The following TBC1D31 variants were observed in gnomAD, a reference collection of about 807,000 sequenced individuals.
TBC1D31 encodes WD repeat domain 67.
A neutral mutation model predicts 132.9 loss-of-function variants in TBC1D31; 99 were observed. The ratio of observed to expected loss-of-function variants is 0.74; its 90% CI spans 0.63 to 0.88. The LOEUF (loss-of-function observed/expected upper bound fraction) is 0.88. TBC1D31 is among the 40% of genes least tolerant of loss of function. TBC1D31 has a pLI of 0.00. For missense variants in TBC1D31, 1,134 were observed against 1,256.6 expected (o/e 0.90, Z 1.48); for synonymous variants, 385 against 419.4 (o/e 0.92, Z 1.00).
At chr8:123,136,079 C>T (rs892071997) in intron 17 of TBC1D31, among the ~76,000 whole-genome samples, 8 of 152,266 alleles carry the variant, frequency 5.3e-5, no homozygotes, top group African/African-American at 1.9e-4. Flanking sequence ...CCTCTAAATA[C>T]TTCAGTGTAT....
At chr8:123,156,197 T>G (rs1403622422), downstream of TBC1D31, among the ~76,000 whole-genome samples, 1 of 152,068 alleles carries the variant, frequency 6.6e-6, no homozygotes, top group Non-Finnish European at 1.5e-5. Flanking sequence ...TCCCAGCACT[T>G]TGGGAGGCCG....
chr8:123,097,582 G>A, intron 6 of TBC1D31, 141 bp downstream of exon 6: 2 of 1,020,502 alleles, frequency 2.0e-6, no homozygotes, highest in South Asian at 4.8e-5. Flanking sequence ...TTTGTGAAGA[G>A]TCTAGGATTG....
At chr8:123,162,210 T>G in the TBC1D31 span, among the ~76,000 whole-genome samples, 1 of 152,062 alleles carries the variant, frequency 6.6e-6, no homozygotes, top group Non-Finnish European at 1.5e-5. Context: ...GTACATATTT[T>G]ATGTTTGAAT....
At chr8:123,107,418 C>T (rs76356973) in intron 8 of TBC1D31, among the ~76,000 whole-genome samples, 2,189 of 152,228 alleles carry the variant, frequency 0.014, 56 homozygotes, top group African/African-American at 0.05. Context: ...TTAATTATGC[C>T]GTTGATTTTC....
chr8:123,084,599 T>C (rs1049059399), intron 4 of TBC1D31, among the ~76,000 whole-genome samples: 1 of 152,218 alleles, frequency 6.6e-6, no homozygotes, highest in African/African-American at 2.4e-5. Context: ...GCTTTTGTTT[T>C]CATTTTTAAC....
chr8:123,083,238 C>T (rs537740270), intron 3 of TBC1D31: 3 of 155,312 alleles, frequency 1.9e-5, no homozygotes, highest in East Asian at 1.9e-4. Context: ...TGGCCATCTG[C>T]GCCAAGCACT....
At chr8:123,081,534 T>C (rs1176727817) in intron 2 of TBC1D31, among the ~76,000 whole-genome samples, 2 of 152,252 alleles carry the variant, frequency 1.3e-5, no homozygotes, top group Non-Finnish European at 2.9e-5. Flanking sequence ...ATCTCAATAA[T>C]TTTTAATTGA....
chr8:123,130,730 T>A (rs1267243485), intron 16 of TBC1D31, among the ~76,000 whole-genome samples: 2 of 151,360 alleles, frequency 1.3e-5, no homozygotes, highest in Non-Finnish European at 2.9e-5. Context: ...CAAGTGATTC[T>A]CCTGCCTCAG....
intron 2 of TBC1D31, among the ~76,000 whole-genome samples, chr8:123,079,774 A>G (rs943277231): frequency 3.3e-5 from 5 of 152,152 alleles, no homozygotes; most frequent in African/African-American, 1.2e-4. Flanking sequence ...GAAAATAGAT[A>G]CCTTCAAGCT....
chr8:123,074,415 C>G (rs557239651), intron 1 of TBC1D31, among the ~76,000 whole-genome samples: 93 of 152,182 alleles, frequency 6.1e-4, no homozygotes, highest in Non-Finnish European at 1.2e-3. Flanking sequence ...TGTCAGGCCT[C>G]TTTATCAATG....
chr8:123,137,093 A>G (rs913354381), intron 17 of TBC1D31, among the ~76,000 whole-genome samples: 1 of 152,250 alleles, frequency 6.6e-6, no homozygotes, highest in Admixed American at 6.5e-5. Flanking sequence ...TTCCATACGT[A>G]TCTAATTTGA....
At chr8:123,093,793 T>TAA (rs5894652) in intron 5 of TBC1D31, 51 bp downstream of exon 5, 6 of 1,250,124 alleles carry the variant, frequency 4.8e-6, no homozygotes, top group Non-Finnish European at 5.3e-6. Flanking sequence ...TAATTTCTGG[T>TAA]AAAAAATTAC....
At chr8:123,109,249 G>C (rs1289477236) in intron 8 of TBC1D31, 68 bp from the exon 9 acceptor site, 2 of 1,164,612 alleles carry the variant, frequency 1.7e-6, no homozygotes, top group Non-Finnish European at 2.5e-6. Context: ...CTGTGGACTA[G>C]ATTACCTTTG....
At chr8:123,072,932 G>C (rs1814056118) in intron 1 of TBC1D31, 86 bp downstream of exon 1, 1 of 1,376,090 alleles carries the variant, frequency 7.3e-7, no homozygotes, top group African/African-American at 1.4e-5. Flanking sequence ...AGCGTTCCGG[G>C]TTCTGGCTCT....
chr8:123,090,409 G>A (rs1816209742), intron 4 of TBC1D31, among the ~76,000 whole-genome samples: 1 of 152,068 alleles, frequency 6.6e-6, no homozygotes, highest in South Asian at 2.1e-4. Context: ...ATGTTTGGGG[G>A]TAAGATATTC....
Position 123,088,557 on chromosome 8 carries a change from T to A in TBC1D31, c.519+4217T>A, listed in dbSNP as rs10112234. Reference sequence around the variant, plus strand: ...AGTAAAACGTTCGGTTTTTAAAAAATTTTTTTCCCCTGACACAGCCCTCAG... The same window carrying A: ...AGTAAAACGTTCGGTTTTTAAAAAAATTTTTTCCCCTGACACAGCCCTCAG... On this transcript the variant is annotated intron_variant, in intron 4 of 21. Transcript: ENST00000287380. 4.3e-3 allele frequency among the ~76,000 whole-genome samples: 655 copies of A among 152,246 alleles called. 7 individuals carry two copies. Among genetic ancestry groups the A allele is most frequent in the African/African-American group, 0.014 (567 of 41,550 alleles).
chr8:123,134,903 T>A (rs548365832), intron 17 of TBC1D31, among the ~76,000 whole-genome samples: 1 of 152,308 alleles, frequency 6.6e-6, no homozygotes, highest in South Asian at 2.1e-4. Context: ...TATTTGTATT[T>A]TTATGTATTT....
At chr8:123,156,921 C>A (rs1382641049), downstream of TBC1D31, among the ~76,000 whole-genome samples, 1 of 152,196 alleles carries the variant, frequency 6.6e-6, no homozygotes, top group Admixed American at 6.5e-5. Context: ...GGACTCCTAC[C>A]CTAACCCAGA....
At chr8:123,099,120 T>G (rs989240722) in intron 6 of TBC1D31, among the ~76,000 whole-genome samples, 2 of 151,938 alleles carry the variant, frequency 1.3e-5, no homozygotes, top group African/African-American at 4.8e-5. Flanking sequence ...TTTGGTTTGG[T>G]TTTTGGTTTT....
Sources: allele counts gnomAD v4.1 joint callset (sites outside exome capture counted in the v4.1 genomes callset), GRCh38; gene constraint gnomAD v4.1.1; transcripts MANE v1.5; gene names NCBI Gene and HGNC (gene_info 2026-07-23, HGNC 2026-07-21).